Variants in EIF2AK1 observed in about 807,000 individuals in gnomAD.
EIF2AK1 encodes eukaryotic translation initiation factor 2 alpha kinase 1, also known as eukaryotic translation initiation factor 2-alpha kinase 1.
EIF2AK1 carries 54 observed loss-of-function variants against 77.9 expected under a neutral mutation model. The observed-to-expected ratio is 0.69, with a 90% confidence interval of 0.56 to 0.87. The LOEUF (loss-of-function observed/expected upper bound fraction) is 0.87. Ranked by LOEUF, EIF2AK1 falls within the 40% of genes least tolerant of loss-of-function variation. The probability of loss-of-function intolerance (pLI) is 0.00; values close to 1 mark genes in which losing one functional copy is unlikely to be tolerated. For synonymous variants in EIF2AK1, 314 were observed against 290.5 expected (o/e 1.08, Z -0.82); for missense variants, 810 against 768.6 (o/e 1.05, Z -0.64).
At chr7:6,040,782 G>A (rs1788273467) in intron 9 of EIF2AK1, 110 bp downstream of exon 9, 2 of 907,626 alleles carry the variant, frequency 2.2e-6, no homozygotes, top group Admixed American at 2.5e-5. Context: ...CAGTACAAGA[G>A]ACTGAACGCA....
rs980194146 is a variant in EIF2AK1, at chr7:6,035,278, T to G, written c.1332+2146A>C. Among the ~76,000 whole-genome samples the G allele has an allele frequency of 2.6e-5, 4 of 152,142 alleles. No individual in the cohort carries two copies. The highest frequency in any genetic ancestry group is 6.5e-5 in the Admixed American group (1 of 15,274). On this transcript the variant is annotated intron_variant, in intron 11 of 14. Transcript: ENST00000199389. The surrounding 1 kb of genome is among the most constrained non-coding windows in gnomAD (Gnocchi z 5.5). ...TCCCACCACATCCCACGAAAAACCC[T>G]GGGATAGCCTGAGAAACTACCCAGC...
intron 11 of EIF2AK1, among the ~76,000 whole-genome samples, chr7:6,030,088 C>T (rs1444520063): frequency 2.0e-5 from 3 of 152,186 alleles, no homozygotes; most frequent in Non-Finnish European, 2.9e-5. Context: ...TAAATCTAAG[C>T]ACCGGCAGCC....
intron 7 of EIF2AK1, 67 bp from the exon 8 acceptor site, chr7:6,043,060 G>A: frequency 6.8e-7 from 1 of 1,475,058 alleles, no homozygotes; most frequent in Non-Finnish European, 9.5e-7. Context: ...CAAAGACAGA[G>A]TTAAAATATA....
chr7:6,036,357 T>A lies in EIF2AK1; in HGVS notation c.1332+1067A>T. ...AGTGACAATATGGAATTCTGTCTAC[T>A]GCTGTTATGACTTGGCATATACCTC... On this transcript the variant is annotated intron_variant, in intron 11 of 14. Coordinates refer to ENST00000199389, the MANE Select transcript of EIF2AK1 (RefSeq NM_014413.4). This position sits in a 1 kb window ranked among gnomAD's most constrained non-coding sequence, Gnocchi z 4.6. 6.6e-7 allele frequency: 1 copy of A among 1,520,026 alleles called. No homozygotes were observed. Among genetic ancestry groups the A allele is most frequent in the Non-Finnish European group, 8.8e-7 (1 of 1,134,966 alleles). The allele number at this position is 1,520,026 out of a possible 1,614,324, so 94.2% of individuals were successfully genotyped here. A position where few individuals can be genotyped will look rare whatever the true frequency, so the allele number is the denominator to read the frequency against.
At position 6,030,433 on chromosome 7, in the gene EIF2AK1, T is replaced by G. The variant is rs115046118; in HGVS notation, c.1333-1401A>C. ...GGGCTATTAAAAGTCTCACTTTCAC[T>G]GTTCTTTGTGCCTCTAAGTTCACTC... On this transcript the variant is annotated intron_variant, in intron 11 of 14. Coordinates refer to ENST00000199389, the MANE Select transcript of EIF2AK1 (RefSeq NM_014413.4). Among the ~76,000 whole-genome samples, 572 of 152,332 alleles carry G rather than the reference T, an allele frequency of 3.8e-3. 3 individuals carry two copies. The highest frequency in any genetic ancestry group is 0.013 in the African/African-American group (558 of 41,568).
rs768503983 is a variant in EIF2AK1 at position 6,023,786 on chromosome 7, TTTTA to T, written c.*883_*886del. 1.9e-5 allele frequency: 31 copies of T among 1,599,062 alleles called. No homozygotes were observed. Among genetic ancestry groups the T allele is most frequent in the Admixed American group, 1.4e-4 (8 of 57,080 alleles). ...GGGACTTGTATTAGAGTCAGAGTCTTTTTATTTAGGCCAGTTGTCAAGTGTCAAT... is the reference window on the plus strand; with the variant it reads ...GGGACTTGTATTAGAGTCAGAGTCTTTTTAGGCCAGTTGTCAAGTGTCAAT... On this transcript the variant is annotated 3_prime_UTR_variant, in exon 15 of 15. Transcript: ENST00000199389.
chr7:6,051,297 A>G (rs1788602466), intron 2 of EIF2AK1, among the ~76,000 whole-genome samples: 1 of 142,934 alleles, frequency 7.0e-6, no homozygotes, highest in South Asian at 2.2e-4. Flanking sequence ...TTTGAGACAG[A>G]CTCTCACTCT....
intron 1 of EIF2AK1, 61 bp downstream of exon 1, chr7:6,058,905 C>T (rs1788872191): frequency 6.4e-6 from 9 of 1,407,914 alleles, no homozygotes; most frequent in East Asian, 3.0e-5. Context: ...CTGCCTTTGC[C>T]GCCCAGAAAC....
intron 14 of EIF2AK1, 113 bp downstream of exon 14, chr7:6,026,615 C>A: frequency 1.2e-6 from 1 of 822,296 alleles, no homozygotes; most frequent in South Asian, 1.4e-5. Flanking sequence ...CCAGAACCAT[C>A]ATCTGGCTCT....
Position 6,036,152 on chromosome 7 carries a change from GAGAATGACC to G in EIF2AK1, c.1332+1263_1332+1271del. 1 of 1,550,174 alleles carries G rather than the reference GAGAATGACC, an allele frequency of 6.5e-7. No individual in the cohort carries two copies. The highest frequency in any genetic ancestry group is 8.7e-7 in the Non-Finnish European group (1 of 1,146,708). ...GGCTACTTTATCACACTTATCCTCT[GAGAATGACC>G]AATAACCAAGGAATTCTACCTGCAG... On this transcript the variant is annotated intron_variant, in intron 11 of 14. Coordinates refer to ENST00000199389, the MANE Select transcript of EIF2AK1 (RefSeq NM_014413.4). This position sits in a 1 kb window ranked among gnomAD's most constrained non-coding sequence, Gnocchi z 4.6.
Position 6,026,210 on chromosome 7 carries a change from A to G in EIF2AK1, c.1764+518T>C, listed in dbSNP as rs183823411. On this transcript the variant is annotated intron_variant, in intron 14 of 14. Transcript: ENST00000199389. ...TAGAGTGCTGAACTCACCAGTGACC[A>G]AAACACCCTCGAGGGACCCGCCCAC... Among the ~76,000 whole-genome samples the G allele has an allele frequency of 2.5e-3, 375 of 152,276 alleles. 2 individuals are homozygous for G. The highest frequency in any genetic ancestry group is 8.8e-3 in the African/African-American group (365 of 41,552).
chr7:6,052,584 T>TAAAAAAA (rs56106343), intron 2 of EIF2AK1, among the ~76,000 whole-genome samples: 2 of 97,172 alleles, frequency 2.1e-5, no homozygotes, highest in Non-Finnish European at 3.8e-5. Context: ...ACTGTTTTGG[T>TAAAAAAA]AAAAAAAAAA....
intron 1 of EIF2AK1, chr7:6,058,269 T>G: frequency 2.4e-6 from 1 of 419,266 alleles, no homozygotes; most frequent in Admixed American, 2.8e-5. Context: ...ATTAAAAAAT[T>G]AGCTGGGCAC....
Position 6,035,946 on chromosome 7 carries a change from G to T in EIF2AK1, c.1332+1478C>A. On this transcript the variant is annotated intron_variant, in intron 11 of 14. Coordinates refer to ENST00000199389, the MANE Select transcript of EIF2AK1 (RefSeq NM_014413.4). This position sits in a 1 kb window ranked among gnomAD's most constrained non-coding sequence, Gnocchi z 5.5. ...ACTCACTCACGGAGCCAAAGTCAACGCCCAGGACTACAAGGGCCAAACAGC... is the reference window on the plus strand; with the variant it reads ...ACTCACTCACGGAGCCAAAGTCAACTCCCAGGACTACAAGGGCCAAACAGC... The T allele has an allele frequency of 6.5e-7, 1 of 1,548,514 alleles. No homozygotes were observed. Among genetic ancestry groups the T allele is most frequent in the Non-Finnish European group, 8.7e-7 (1 of 1,145,518 alleles).
chr7:6,030,320 T>G (rs1261285616), intron 11 of EIF2AK1, among the ~76,000 whole-genome samples: 2 of 152,134 alleles, frequency 1.3e-5, no homozygotes, highest in African/African-American at 2.4e-5. Context: ...AGTGAGGAAC[T>G]GAGGTAGGGT....
chr7:6,031,604 C>T, intron 11 of EIF2AK1: 1 of 1,550,204 alleles, frequency 6.5e-7, no homozygotes. Flanking sequence ...ACCCTCTTTT[C>T]TGCTCAGTCA....
chr7:6,026,406 C>T, intron 14 of EIF2AK1: 2 of 506,214 alleles, frequency 4.0e-6, no homozygotes, highest in South Asian at 1.6e-5. Context: ...GAAGGAGTCT[C>T]ACCCACCAGG....
Position 6,033,001 on chromosome 7 carries a change from C to A in EIF2AK1, c.1333-3969G>T. On this transcript the variant is annotated intron_variant, in intron 11 of 14. Coordinates refer to ENST00000199389, the MANE Select transcript of EIF2AK1 (RefSeq NM_014413.4). The surrounding 1 kb of genome is among the most constrained non-coding windows in gnomAD (Gnocchi z 4.4). ...TTTTTGTTTTGAGGCAGGGGTCTCGCTCTGTTGCCCAGGCTGGAGTGCAAT... is the reference window on the plus strand; with the variant it reads ...TTTTTGTTTTGAGGCAGGGGTCTCGATCTGTTGCCCAGGCTGGAGTGCAAT... 2 of 1,386,922 alleles carry A rather than the reference C, an allele frequency of 1.4e-6. No homozygotes were observed. The highest frequency in any genetic ancestry group is 2.0e-6 in the Non-Finnish European group (2 of 1,013,626). The allele number at this position is 1,386,922 out of a possible 1,614,324, so 85.9% of individuals were successfully genotyped here. A position where few individuals can be genotyped will look rare whatever the true frequency, so the allele number is the denominator to read the frequency against.
intron 11 of EIF2AK1, chr7:6,031,733 G>A (rs1022398122): frequency 2.4e-6 from 2 of 822,134 alleles, no homozygotes; most frequent in African/African-American, 1.7e-5. Context: ...ACACACTGCA[G>A]TGCTCCCCAA....
Sources: allele counts gnomAD v4.1 joint callset (sites outside exome capture counted in the v4.1 genomes callset), GRCh38; gene constraint gnomAD v4.1.1; non-coding constraint Gnocchi (gnomAD v3.1); transcripts MANE v1.5; gene names NCBI Gene and HGNC (gene_info 2026-07-23, HGNC 2026-07-21).